Variants in TSGA10 observed in about 807,000 individuals in gnomAD.
TSGA10 encodes testis specific 10, also known as testis-specific gene 10 protein.
TSGA10 carries 43 observed loss-of-function variants against 96.6 expected under a neutral mutation model. That is an observed-to-expected ratio of 0.44 (90% CI 0.35 to 0.57). The LOEUF (loss-of-function observed/expected upper bound fraction) is 0.57. Among genes scored for constraint, TSGA10 ranks in the 20% least tolerant of loss-of-function variants. The pLI, the probability that TSGA10 is intolerant of heterozygous loss-of-function variation, is 0.01. For missense variants in TSGA10, 703 were observed against 834.4 expected, an observed-to-expected ratio of 0.84 and a Z score of 1.94; for synonymous variants, 229 against 269.9, an observed-to-expected ratio of 0.85 and a Z score of 1.48.
intron 1 of TSGA10, among the ~76,000 whole-genome samples, chr2:99,130,957 C>A (rs1412990139): frequency 6.6e-6 from 1 of 151,974 alleles, no homozygotes; most frequent in African/African-American, 2.4e-5. Context: ...GTTTCTGAGG[C>A]CTCTGTTCTG....
At position 98,997,295 on chromosome 2, in the gene TSGA10, G is replaced by A. The variant is rs1311395722; in HGVS notation, c.*902C>T. On this transcript the variant is annotated 3_prime_UTR_variant, in exon 21 of 21. Coordinates refer to ENST00000393483, the MANE Select transcript of TSGA10 (RefSeq NM_025244.4). ...TGACAAGCCTTTTTTTATTAAAATG[G>A]CAAGAATACAAATAGTTTATATCAG... is the stretch of plus-strand genomic sequence containing the variant. 2 of 151,784 alleles carry A rather than the reference G, an allele frequency of 1.3e-5. No homozygotes were observed. The highest frequency in any genetic ancestry group is 4.8e-5 in the African/African-American group (2 of 41,352). 9.4% of individuals were successfully genotyped at this position (151,784 alleles called of 1,614,324 possible). A position where few individuals can be genotyped will look rare whatever the true frequency, so the allele number is the denominator to read the frequency against.
At chr2:99,074,029 T>TTTTTTTTTG (rs1241657890) in intron 12 of TSGA10, among the ~76,000 whole-genome samples, 13 of 136,844 alleles carry the variant, frequency 9.5e-5, no homozygotes, top group African/African-American at 2.3e-4. Flanking sequence ...TTTTTTTTTT[T>TTTTTTTTTG]GAGATGGAGT....
intron 15 of TSGA10, among the ~76,000 whole-genome samples, chr2:99,068,002 G>T (rs964583010): frequency 6.6e-6 from 1 of 152,132 alleles, no homozygotes; most frequent in African/African-American, 2.4e-5. Flanking sequence ...AGGCTGAGTA[G>T]CCTGCATAAA....
chr2:99,017,214 T>C (rs1209969448), intron 20 of TSGA10, among the ~76,000 whole-genome samples: 1 of 152,210 alleles, frequency 6.6e-6, no homozygotes, highest in Non-Finnish European at 1.5e-5. Flanking sequence ...CGCATGTTTG[T>C]AGCAGCATAA....
chr2:99,124,941 C>T (rs1001080040), intron 2 of TSGA10: 2 of 152,148 alleles, frequency 1.3e-5, no homozygotes, highest in Middle Eastern at 3.4e-3. Context: ...TCACTCTTGG[C>T]GTTATTCATT....
chr2:99,146,427 TTATC>T lies in TSGA10; in HGVS notation c.-621+8262_-621+8265del, dbSNP rs1392650408. Among the ~76,000 whole-genome samples the T allele has an allele frequency of 3.3e-5, 5 of 152,322 alleles. No homozygotes were observed. In the East Asian group the frequency reaches 9.6e-4, roughly 29 times the overall value. ...ACAGAAAATATCTCCTTCCAGTCTC[TTATC>T]TATCTTTTTGTTTATATTTTTTTCA... On this transcript the variant is annotated intron_variant, in intron 1 of 20. Coordinates refer to ENST00000393483, the MANE Select transcript of TSGA10 (RefSeq NM_025244.4).
At position 99,118,563 on chromosome 2, in the gene TSGA10, A is replaced by T; in HGVS notation, c.-368T>A. ...ATCAGTAACTTACTTGACTAAGCTA[A>T]ATATCAAATCAATCAAGTATTTGCT... On this transcript the variant is annotated 5_prime_UTR_variant, in exon 3 of 21. Transcript: ENST00000393483. 1 of 983,866 alleles carries T rather than the reference A, an allele frequency of 1.0e-6. No individual in the cohort carries two copies. Among genetic ancestry groups the T allele is most frequent in the Non-Finnish European group, 1.2e-6 (1 of 828,722 alleles). 60.9% of individuals were successfully genotyped at this position (983,866 alleles called of 1,614,324 possible). A position where few individuals can be genotyped will look rare whatever the true frequency, so the allele number is the denominator to read the frequency against.
At chr2:99,093,249 A>G (rs1417536574) in intron 10 of TSGA10, among the ~76,000 whole-genome samples, 1 of 152,118 alleles carries the variant, frequency 6.6e-6, no homozygotes, top group Admixed American at 6.5e-5. Flanking sequence ...AAAGGGACAT[A>G]CCTTAATGTA....
intron 12 of TSGA10, 42 bp from the exon 13 acceptor site, chr2:99,073,115 T>G (rs1249377229): frequency 7.7e-7 from 1 of 1,292,382 alleles, no homozygotes; most frequent in African/African-American, 1.5e-5. Flanking sequence ...AATCTTAAGC[T>G]GTTATTTCTG....
chr2:99,018,878 T>C (rs550407919), intron 18 of TSGA10, among the ~76,000 whole-genome samples: 2 of 152,332 alleles, frequency 1.3e-5, no homozygotes, highest in East Asian at 3.9e-4. Flanking sequence ...TTAATCCTTC[T>C]CTGTTTCAGC....
intron 16 of TSGA10, among the ~76,000 whole-genome samples, chr2:99,047,586 G>C (rs1428216750): frequency 6.6e-6 from 1 of 152,068 alleles, no homozygotes; most frequent in Non-Finnish European, 1.5e-5. Context: ...AAAATAATAA[G>C]AGCTATTTAT....
intron 4 of TSGA10, among the ~76,000 whole-genome samples, chr2:99,113,569 C>T (rs2091991952): frequency 1.3e-5 from 2 of 152,022 alleles, no homozygotes; most frequent in African/African-American, 4.8e-5. Context: ...TTTTTGAGAT[C>T]GAGTCTCTCT....
chr2:99,026,670 G>A (rs1024688703), intron 17 of TSGA10, among the ~76,000 whole-genome samples: 4 of 151,886 alleles, frequency 2.6e-5, no homozygotes, highest in Admixed American at 6.6e-5. Context: ...TGATCTGCCC[G>A]CCTCAGCCTC....
intron 14 of TSGA10, 27 bp from the exon 15 acceptor site, chr2:99,069,025 A>G: frequency 8.0e-7 from 1 of 1,257,552 alleles, no homozygotes; most frequent in South Asian, 1.9e-5. Flanking sequence ...GGTATATTTG[A>G]CTATGAAAAA....
At chr2:99,119,324 T>A (rs930145203) in intron 2 of TSGA10, among the ~76,000 whole-genome samples, 1 of 152,118 alleles carries the variant, frequency 6.6e-6, no homozygotes, top group Non-Finnish European at 1.5e-5. Flanking sequence ...CCTTCTCCCA[T>A]CTGCTCTCAA....
At chr2:99,078,164 G>A (rs1283263685) in intron 12 of TSGA10, among the ~76,000 whole-genome samples, 5 of 151,100 alleles carry the variant, frequency 3.3e-5, no homozygotes, top group African/African-American at 1.2e-4. Context: ...CCAGCTACTC[G>A]GGAGGCTGAG....
intron 20 of TSGA10, among the ~76,000 whole-genome samples, chr2:99,003,507 G>A (rs1300628573): frequency 6.6e-6 from 1 of 152,150 alleles, no homozygotes; most frequent in Non-Finnish European, 1.5e-5. Context: ...ATTCTTCTCA[G>A]CACCACATCA....
intron 17 of TSGA10, among the ~76,000 whole-genome samples, chr2:99,028,788 T>C (rs879376441): frequency 6.6e-6 from 1 of 152,330 alleles, no homozygotes; most frequent in African/African-American, 2.4e-5. Flanking sequence ...ATTGTTTCCA[T>C]TTTTGTTTTC....
chr2:99,071,272 AATT>A (rs1477387979), intron 14 of TSGA10, among the ~76,000 whole-genome samples: 1 of 152,144 alleles, frequency 6.6e-6, no homozygotes. Flanking sequence ...GAGAAAGAGT[AATT>A]ATAAGAGGAA....
Sources: gnomAD v4.1 joint callset for allele counts (sites outside exome capture counted in the v4.1 genomes callset) on GRCh38, gnomAD v4.1.1 for gene constraint, MANE v1.5 for transcripts, NCBI Gene and HGNC (gene_info 2026-07-23, HGNC 2026-07-21) for gene names.